CRPPA: variants seen among roughly 807,000 people sequenced by gnomAD.
The protein encoded by CRPPA is D-ribitol-5-phosphate cytidylyltransferase.
A neutral mutation model predicts 52.0 loss-of-function variants in CRPPA; 43 were observed. The observed-to-expected ratio is 0.83, with a 90% CI of 0.65 to 1.07. The LOEUF is 1.07. CRPPA is among the 50% of genes least tolerant of loss of function. The probability of loss-of-function intolerance (pLI) is 0.00; values close to 1 mark genes in which losing one functional copy is unlikely to be tolerated. For synonymous variants in CRPPA, 250 were observed against 203.5 expected, an observed-to-expected ratio of 1.23 and a Z score of -1.94; for missense variants, 629 against 551.7, an observed-to-expected ratio of 1.14 and a Z score of -1.40.
chr7:16,312,535 A>G (rs753001913), intron 3 of CRPPA, among the ~76,000 whole-genome samples: 3 of 151,988 alleles, frequency 2.0e-5, no homozygotes, highest in African/African-American at 7.2e-5. Flanking sequence ...ACAGACAATC[A>G]TGTCATCTGT....
intron 3 of CRPPA, among the ~76,000 whole-genome samples, chr7:16,348,882 A>T (rs1191360772): frequency 6.6e-6 from 1 of 152,162 alleles, no homozygotes; most frequent in African/African-American, 2.4e-5. Context: ...CTCCCACCCA[A>T]GGGACTGTCT....
intron 2 of CRPPA, among the ~76,000 whole-genome samples, chr7:16,380,164 A>G (rs1303785223): frequency 1.3e-5 from 2 of 151,346 alleles, no homozygotes; most frequent in Non-Finnish European, 2.9e-5. Context: ...GATACGTCCC[A>G]TCAATACCTA....
At position 16,091,767 on chromosome 7, in the gene CRPPA, T is replaced by G; in HGVS notation, c.1284A>C (p.Gln428His). 1 of 1,557,246 alleles carries G rather than the reference T, an allele frequency of 6.4e-7. No homozygotes were observed. Among genetic ancestry groups the G allele is most frequent in the Non-Finnish European group, 8.7e-7 (1 of 1,149,324 alleles). Residue 428 changes from glutamine to histidine, a missense_variant, in exon 10 of 10, where the codon CAA becomes CAC. Coordinates refer to ENST00000407010, the MANE Select transcript of CRPPA (RefSeq NM_001101426.4). ...DDQKLQESLR[Q>H]GAIIIASLIK... ...TTAATGAAGCAATAATGATAGCACCTTGCCTTAAACTCTCCTGTAGCTTCT... is the reference window on the plus strand; with the variant it reads ...TTAATGAAGCAATAATGATAGCACCGTGCCTTAAACTCTCCTGTAGCTTCT...
At chr7:16,308,687 G>T in intron 3 of CRPPA, 60 bp from the exon 4 acceptor site, 1 of 1,002,490 alleles carries the variant, frequency 1.0e-6, no homozygotes, top group Non-Finnish European at 1.6e-6. Context: ...GTAAAACCAA[G>T]CCTTTTATTT....
chr7:16,293,113 C>A (rs1322825017), intron 5 of CRPPA, among the ~76,000 whole-genome samples: 1 of 151,788 alleles, frequency 6.6e-6, no homozygotes, highest in Non-Finnish European at 1.5e-5. Flanking sequence ...ACAAGAAACT[C>A]AGTAACAATG....
chr7:16,369,122 T>C (rs111860792), intron 3 of CRPPA, among the ~76,000 whole-genome samples: 2,975 of 152,196 alleles, frequency 0.02, 39 homozygotes, highest in South Asian at 0.066. Context: ...AGACACCAAG[T>C]TGTAGAAGGA....
chr7:16,404,029 T>C (rs985530274), intron 2 of CRPPA, among the ~76,000 whole-genome samples: 1 of 152,324 alleles, frequency 6.6e-6, no homozygotes. Context: ...TATAAATAAG[T>C]GCTTTTCTGG....
intron 8 of CRPPA, among the ~76,000 whole-genome samples, chr7:16,238,720 T>C (rs1783018336): frequency 6.6e-6 from 1 of 152,202 alleles, no homozygotes. Context: ...CTGATTCATG[T>C]TTAACATGAC....
intron 3 of CRPPA, among the ~76,000 whole-genome samples, chr7:16,360,005 T>C (rs936792550): frequency 6.6e-6 from 1 of 152,220 alleles, no homozygotes; most frequent in Non-Finnish European, 1.5e-5. Context: ...TGTCCTCCAT[T>C]TTATTTTTTG....
At chr7:16,394,551 T>C (rs1452862268) in intron 2 of CRPPA, among the ~76,000 whole-genome samples, 3 of 152,170 alleles carry the variant, frequency 2.0e-5, no homozygotes, top group South Asian at 2.1e-4. Context: ...GTTCTAACTA[T>C]ACCAGTAGTA....
At chr7:16,188,590 C>A (rs1366239467) in intron 9 of CRPPA, among the ~76,000 whole-genome samples, 3 of 152,056 alleles carry the variant, frequency 2.0e-5, no homozygotes. Flanking sequence ...ACTCTCAGAG[C>A]CTTGTTTTTC....
chr7:16,308,627 A>C lies in CRPPA; in HGVS notation c.685T>G (p.Cys229Gly), dbSNP rs1784967685. The part of the protein sequence containing the change: ...FDVIYEAYQQ[C>G]SDYDLEFGTE... ...CCAAATTCCAAGTCATAGTCACTAC[A>C]CTGGTGTGGAAACAACAACAACAAC... Residue 229 changes from cysteine to glycine, a missense_variant and splice_region_variant, in exon 4 of 10, where the codon TGT becomes GGT. Transcript: ENST00000407010. 6.4e-7 allele frequency: 1 copy of C among 1,558,566 alleles called. No homozygotes were observed. Among genetic ancestry groups the C allele is most frequent in the African/African-American group, 1.4e-5 (1 of 73,444 alleles).
chr7:16,316,395 A>G (rs1312191861), intron 3 of CRPPA, among the ~76,000 whole-genome samples: 1 of 152,092 alleles, frequency 6.6e-6, no homozygotes, highest in Admixed American at 6.5e-5. Context: ...TTATATTGTC[A>G]TGTTATGTAA....
intron 5 of CRPPA, among the ~76,000 whole-genome samples, chr7:16,288,746 C>A (rs10277214): frequency 5.0e-4 from 73 of 145,030 alleles, no homozygotes; most frequent in African/African-American, 1.8e-3. Flanking sequence ...ACTCAGGAGG[C>A]TGAGGTAGGA....
At chr7:16,126,104 G>C (rs1782575330) in intron 9 of CRPPA, among the ~76,000 whole-genome samples, 1 of 152,144 alleles carries the variant, frequency 6.6e-6, no homozygotes, top group Non-Finnish European at 1.5e-5. Context: ...GTTTATTTAA[G>C]CTTTGGAGAG....
At chr7:16,398,255 TCA>T (rs1787671356) in intron 2 of CRPPA, among the ~76,000 whole-genome samples, 2 of 151,282 alleles carry the variant, frequency 1.3e-5, no homozygotes, top group African/African-American at 2.4e-5. Context: ...AACACGTGAC[TCA>T]CACGTGACCA....
intron 2 of CRPPA, among the ~76,000 whole-genome samples, chr7:16,381,951 C>G (rs1049805050): frequency 6.6e-6 from 1 of 152,024 alleles, no homozygotes; most frequent in African/African-American, 2.4e-5. Flanking sequence ...ATCCAATTTG[C>G]CAGTCTGTGT....
intron 3 of CRPPA, among the ~76,000 whole-genome samples, chr7:16,335,154 C>CAAAAAAAAAAAAAAAA (rs60632334): frequency 1.1e-5 from 1 of 93,802 alleles, no homozygotes; most frequent in Non-Finnish European, 2.0e-5. Context: ...CCCATCTCTA[C>CAAAAAAAAAAAAAAAA]AAAAAAAAAA....
At chr7:16,253,399 A>G (rs1783515506) in intron 8 of CRPPA, among the ~76,000 whole-genome samples, 2 of 152,168 alleles carry the variant, frequency 1.3e-5, no homozygotes, top group African/African-American at 4.8e-5. Context: ...TTCAGTTTCC[A>G]TGTAGTTGTA....
Sources: gnomAD v4.1 joint callset for allele counts (sites outside exome capture counted in the v4.1 genomes callset) on GRCh38, gnomAD v4.1.1 for gene constraint, MANE v1.5 for transcripts, NCBI Gene and HGNC (gene_info 2026-07-23, HGNC 2026-07-21) for gene names.